Variants in CDKL3 observed in about 807,000 individuals in gnomAD.
CDKL3 encodes the protein cyclin-dependent kinase-like 3.
In CDKL3, 65 loss-of-function variants were observed where a neutral mutation model predicts 69.3. The ratio of observed to expected loss-of-function variants is 0.94; its 90% CI spans 0.77 to 1.15. CDKL3 has a LOEUF of 1.15. Ranked by LOEUF, CDKL3 falls within the 50% of genes most tolerant of loss-of-function variation. CDKL3 has a pLI of 0.00. For missense variants in CDKL3, 652 were observed against 689.2 expected (o/e 0.95, Z 0.61); for synonymous variants, 202 against 221.6 (o/e 0.91, Z 0.79).
intron 3 of CDKL3, among the ~76,000 whole-genome samples, chr5:134,352,463 G>C (rs545147619): frequency 1.3e-5 from 2 of 151,946 alleles, no homozygotes; most frequent in Non-Finnish European, 2.9e-5. Flanking sequence ...ACCACGCCCG[G>C]CTAATTTTTG....
intron 7 of CDKL3, among the ~76,000 whole-genome samples, chr5:134,311,830 T>C (rs2149454981): frequency 6.6e-6 from 1 of 152,324 alleles, no homozygotes; most frequent in East Asian, 1.9e-4. Context: ...GGTCTCAACC[T>C]GTCACCCAGG....
intron 4 of CDKL3, among the ~76,000 whole-genome samples, chr5:134,331,633 G>A (rs554183313): frequency 1.5e-4 from 23 of 152,144 alleles, no homozygotes; most frequent in Admixed American, 1.0e-3. Flanking sequence ...ACATGAACTC[G>A]TCCTTTTTTA....
chr5:134,371,507 T>A, upstream of CDKL3: 1 of 1,439,456 alleles, frequency 6.9e-7, no homozygotes, highest in Non-Finnish European at 9.2e-7. Flanking sequence ...GCGGCGGCGA[T>A]CCACAGTGAT....
intron 4 of CDKL3, among the ~76,000 whole-genome samples, chr5:134,336,615 G>A (rs1777167756): frequency 1.3e-5 from 2 of 152,152 alleles, no homozygotes; most frequent in African/African-American, 4.8e-5. Flanking sequence ...TTTGCTGGAG[G>A]TCCACTCCAA....
At chr5:134,370,048 C>T (rs1300508188), upstream of CDKL3, among the ~76,000 whole-genome samples, 1 of 152,156 alleles carries the variant, frequency 6.6e-6, no homozygotes, top group Admixed American at 6.5e-5. Flanking sequence ...CTAACCTGAT[C>T]ACCAAGGCAG....
At chr5:134,287,976 C>A (rs1764947108) in intron 8 of CDKL3, among the ~76,000 whole-genome samples, 2 of 150,346 alleles carry the variant, frequency 1.3e-5, no homozygotes, top group African/African-American at 2.5e-5. Context: ...CTCACCACAA[C>A]CTCTGCCTCC....
At chr5:134,367,499 G>A (rs1757741699), upstream of CDKL3, 4 of 650,698 alleles carry the variant, frequency 6.1e-6, no homozygotes, top group East Asian at 1.4e-4. Context: ...TCAGCCTCCC[G>A]AGTAGCTGGG....
chr5:134,329,461 ATTT>A (rs1359387613), intron 4 of CDKL3, among the ~76,000 whole-genome samples: 1 of 151,806 alleles, frequency 6.6e-6, no homozygotes, highest in Admixed American at 6.6e-5. Context: ...ATTTAATTTA[ATTT>A]TTTATTTTAT....
At chr5:134,311,057 G>C (rs901541500) in intron 7 of CDKL3, among the ~76,000 whole-genome samples, 2 of 152,172 alleles carry the variant, frequency 1.3e-5, no homozygotes, top group African/African-American at 4.8e-5. Flanking sequence ...AATAGAAAAT[G>C]GTGTTTTTTT....
chr5:134,306,627 C>G lies in CDKL3; in HGVS notation c.1440G>C (p.Glu480Asp). 1 of 1,594,792 alleles carries G rather than the reference C, an allele frequency of 6.3e-7. No homozygotes were observed. Among genetic ancestry groups the G allele is most frequent in the South Asian group, 1.1e-5 (1 of 88,074 alleles). Residue 480 changes from glutamate to aspartate, a missense_variant, in exon 10 of 13, where the codon GAG (glutamate) becomes GAC (aspartate). Glu to Asp is a conservative substitution (Grantham distance 45). Coordinates refer to ENST00000265334, the MANE Select transcript of CDKL3 (RefSeq NM_001113575.2). ...GCCTTACTTGAATAGGACCTGGATC[C>G]TCTTGCCTGCTATTAGGCATAACTT... The part of the protein sequence containing the change: ...IGQVMPNSRQ[E>D]DPGPIQSQME...
chr5:134,366,693 T>C (rs911317626), intron 1 of CDKL3, 149 bp from the exon 2 acceptor site: 3 of 702,762 alleles, frequency 4.3e-6, no homozygotes, highest in Admixed American at 3.8e-5. Context: ...CTGAGCCTTT[T>C]TGTCTTTGGG....
chr5:134,297,097 G>A (rs571381758), downstream of CDKL3, among the ~76,000 whole-genome samples: 42 of 151,176 alleles, frequency 2.8e-4, no homozygotes, highest in Non-Finnish European at 5.0e-4. Flanking sequence ...GATTACAGGC[G>A]TGCACCACCA....
chr5:134,363,957 TAAA>T (rs1206131261), intron 2 of CDKL3, among the ~76,000 whole-genome samples: 3 of 96,428 alleles, frequency 3.1e-5, no homozygotes, highest in Non-Finnish European at 6.2e-5. Context: ...CTCCATTTCT[TAAA>T]AAAAAAAAAA....
chr5:134,352,636 A>G (rs1753606906), intron 3 of CDKL3, among the ~76,000 whole-genome samples: 2 of 151,964 alleles, frequency 1.3e-5, no homozygotes, highest in Admixed American at 1.3e-4. Flanking sequence ...TTTTAAAGAC[A>G]CATGGTTTTG....
At position 134,298,695 on chromosome 5, in the gene CDKL3, A is replaced by C. The variant is rs1326924167; in HGVS notation, c.1735T>G (p.Cys579Gly). 6.2e-7 allele frequency: 1 copy of C among 1,612,934 alleles called. No individual in the cohort carries two copies. Residue 579 changes from cysteine (C) to glycine (G), a missense_variant, in exon 13 of 13, where the codon TGC (cysteine) becomes GGC (glycine). Transcript: ENST00000265334. ...TTTCTCTTCAAATTCTTCCCCTCGC[A>C]ATGGCCATCTCCACCCTAAAATTAG... is the stretch of plus-strand genomic sequence containing the variant. ...QEKQEGGDGH[C>G]EGKNLKRNRF...
upstream of CDKL3, among the ~76,000 whole-genome samples, chr5:134,368,543 C>T (rs568229925): frequency 3.4e-5 from 5 of 146,888 alleles, no homozygotes; most frequent in South Asian, 2.2e-4. Flanking sequence ...GGCGTGAATC[C>T]GGGAGGCGGA....
chr5:134,307,826 T>C (rs1318939363), intron 9 of CDKL3, among the ~76,000 whole-genome samples: 5 of 152,198 alleles, frequency 3.3e-5, no homozygotes, highest in Admixed American at 3.3e-4. Context: ...CAAGGCACAT[T>C]GATACCAGAA....
rs1766454801 is a variant in CDKL3, at chr5:134,301,902, A to T, written c.1719+688T>A. On this transcript the variant is annotated intron_variant, in intron 12 of 12. Coordinates refer to ENST00000265334, the MANE Select transcript of CDKL3 (RefSeq NM_001113575.2). ...ACTCCGTCTCAAAAACAAACAAACA[A>T]ACAAACAAACAAACACAAAAACAGA... Among the ~76,000 whole-genome samples, 6 of 152,096 alleles carry T rather than the reference A, an allele frequency of 3.9e-5. 1 individual carries two copies. In the South Asian group the frequency reaches 1.2e-3, roughly 31 times the overall value.
chr5:134,368,627 A>C (rs1757975791), upstream of CDKL3, among the ~76,000 whole-genome samples: 1 of 151,406 alleles, frequency 6.6e-6, no homozygotes, highest in Admixed American at 6.6e-5. Context: ...TCAAAAAAAA[A>C]AAAAAAAAAA....
Sources: gnomAD v4.1 joint callset for allele counts (sites outside exome capture counted in the v4.1 genomes callset) on GRCh38, gnomAD v4.1.1 for gene constraint, MANE v1.5 for transcripts, NCBI Gene and HGNC (gene_info 2026-07-23, HGNC 2026-07-21) for gene names.